Variants in PDE4D observed in about 807,000 individuals in gnomAD.
PDE4D encodes phosphodiesterase 4D.
A neutral mutation model predicts 87.4 loss-of-function variants in PDE4D; 24 were observed. The observed-to-expected ratio is 0.27, with a 90% CI of 0.20 to 0.39. PDE4D has a LOEUF of 0.39. Among genes scored for constraint, PDE4D ranks in the 10% least tolerant of loss-of-function variants. The pLI is 1.00. For synonymous variants in PDE4D, 384 were observed against 383.2 expected (o/e 1.00, Z -0.02); for missense variants, 714 against 1,041.0 (o/e 0.69, Z 4.32).
rs1230362453 is a variant in PDE4D at position 59,655,096 on chromosome 5, T to C, written c.455+238072A>G. On this transcript the variant is annotated intron_variant, in intron 1 of 14. Transcript: ENST00000340635. The stretch of plus-strand genomic sequence containing the variant: ...GATCATATAACTCTGTGTTTAACAA[T>C]TTGAGGAACTACAATATTCTATGTT... 2.0e-5 allele frequency among the ~76,000 whole-genome samples: 3 copies of C among 152,148 alleles called. No homozygotes were observed. In the East Asian group the frequency reaches 5.8e-4, roughly 29 times the overall value.
At chr5:59,818,146 G>T (rs1769212824) in intron 1 of PDE4D, among the ~76,000 whole-genome samples, 1 of 152,202 alleles carries the variant, frequency 6.6e-6, no homozygotes, top group Non-Finnish European at 1.5e-5. Context: ...TTTGTCCTTA[G>T]AAGCAAATGG....
intron 6 of PDE4D, among the ~76,000 whole-genome samples, chr5:59,001,325 C>T (rs1006208744): frequency 6.6e-6 from 1 of 152,160 alleles, no homozygotes; most frequent in African/African-American, 2.4e-5. Context: ...CTGCAGTCTT[C>T]CTGACATTTA....
chr5:59,819,396 A>G (rs1769376517), intron 1 of PDE4D, among the ~76,000 whole-genome samples: 1 of 152,204 alleles, frequency 6.6e-6, no homozygotes, highest in Non-Finnish European at 1.5e-5. Context: ...TACTTTCCAT[A>G]GACTTTCACT....
intron 5 of PDE4D, among the ~76,000 whole-genome samples, chr5:59,141,785 A>G (rs1777932712): frequency 6.6e-6 from 1 of 152,214 alleles, no homozygotes; most frequent in Non-Finnish European, 1.5e-5. Flanking sequence ...CCCGTAACCC[A>G]TTCATCTTGG....
At chr5:59,466,633 A>G (rs1010617836) in intron 1 of PDE4D, among the ~76,000 whole-genome samples, 1 of 152,204 alleles carries the variant, frequency 6.6e-6, no homozygotes, top group Non-Finnish European at 1.5e-5. Context: ...TTGGAAAAAG[A>G]GGCTCTCATT....
intron 3 of PDE4D, among the ~76,000 whole-genome samples, chr5:59,968,998 C>T (rs1037771956): frequency 1.5e-5 from 2 of 134,118 alleles, no homozygotes; most frequent in African/African-American, 2.7e-5. Flanking sequence ...GGCACCCCCC[C>T]CCCGAAAAAA....
At chr5:59,711,823 G>A (rs192787341) in intron 1 of PDE4D, among the ~76,000 whole-genome samples, 1 of 152,142 alleles carries the variant, frequency 6.6e-6, no homozygotes, top group Non-Finnish European at 1.5e-5. Flanking sequence ...GCTTATAAAG[G>A]TTATATAATG....
chr5:60,438,425 T>C (rs1383297172), intron 1 of PDE4D, among the ~76,000 whole-genome samples: 3 of 152,126 alleles, frequency 2.0e-5, no homozygotes, highest in Non-Finnish European at 4.4e-5. Context: ...TATTTTTAGC[T>C]AATTTATTTT....
chr5:59,612,874 G>A (rs964479987), intron 1 of PDE4D, among the ~76,000 whole-genome samples: 1 of 152,162 alleles, frequency 6.6e-6, no homozygotes, highest in Non-Finnish European at 1.5e-5. Context: ...GGAGACCAGA[G>A]TGACTGGACC....
intron 1 of PDE4D, among the ~76,000 whole-genome samples, chr5:59,419,294 C>T (rs1214432893): frequency 6.6e-6 from 1 of 152,032 alleles, no homozygotes; most frequent in Non-Finnish European, 1.5e-5. Flanking sequence ...CTGAGCAGTT[C>T]GACTTTGATT....
At chr5:59,952,829 A>G (rs1252488926) in intron 3 of PDE4D, among the ~76,000 whole-genome samples, 1 of 152,214 alleles carries the variant, frequency 6.6e-6, no homozygotes, top group Non-Finnish European at 1.5e-5. Context: ...AACTTTTCAG[A>G]TGATTTCAGC....
intron 5 of PDE4D, among the ~76,000 whole-genome samples, chr5:59,070,095 C>T (rs1319513177): frequency 2.0e-5 from 3 of 152,120 alleles, no homozygotes; most frequent in African/African-American, 7.2e-5. Context: ...ACAGCAATTT[C>T]TACTTTTAGA....
rs545250646 is a variant in PDE4D at position 60,388,459 on chromosome 5, T to C, written c.-90+99483A>G. ...TTGTTACACAGGTATACATGTGCCA[T>C]GGTGGTTTGCTGCACCTATTGACCC... On this transcript the variant is annotated intron_variant, in intron 1 of 16. Coordinates refer to the PDE4D transcript ENST00000502484. Among the ~76,000 whole-genome samples, 592 of 152,156 alleles carry C rather than the reference T, an allele frequency of 3.9e-3. 4 individuals carry two copies. The highest frequency in any genetic ancestry group is 0.013 in the African/African-American group (554 of 41,506).
intron 1 of PDE4D, among the ~76,000 whole-genome samples, chr5:60,233,576 A>G (rs1746069246): frequency 6.6e-6 from 1 of 151,458 alleles, no homozygotes; most frequent in African/African-American, 2.4e-5. Flanking sequence ...TTTTTTTTAC[A>G]AAGGGAAATT....
At chr5:59,212,125 G>A (rs1303352361) in intron 2 of PDE4D, among the ~76,000 whole-genome samples, 1 of 152,026 alleles carries the variant, frequency 6.6e-6, no homozygotes, top group East Asian at 1.9e-4. Context: ...AAGCGCAGTT[G>A]AATTATACAC....
intron 1 of PDE4D, among the ~76,000 whole-genome samples, chr5:59,582,966 C>T (rs1824442757): frequency 6.6e-6 from 1 of 152,162 alleles, no homozygotes; most frequent in South Asian, 2.1e-4. Flanking sequence ...GAGGGGCCCT[C>T]CATGGCAGCA....
chr5:59,689,916 A>G (rs1750612046), intron 1 of PDE4D, among the ~76,000 whole-genome samples: 2 of 152,182 alleles, frequency 1.3e-5, no homozygotes, highest in Admixed American at 6.5e-5. Context: ...AAGCATTCCT[A>G]TACACCAATA....
At chr5:59,770,453 T>A (rs1169609689) in intron 1 of PDE4D, among the ~76,000 whole-genome samples, 2 of 152,120 alleles carry the variant, frequency 1.3e-5, no homozygotes, top group Non-Finnish European at 2.9e-5. Flanking sequence ...GAGAAAACTC[T>A]GGGTAAAGTT....
chr5:58,992,641 C>A (rs972034162), intron 7 of PDE4D, among the ~76,000 whole-genome samples: 2 of 152,062 alleles, frequency 1.3e-5, no homozygotes, highest in African/African-American at 2.4e-5. Context: ...TAAGTGAATA[C>A]GTACATAAGC....
Sources: gnomAD v4.1 joint callset for allele counts (sites outside exome capture counted in the v4.1 genomes callset) on GRCh38, gnomAD v4.1.1 for gene constraint, MANE v1.5 for transcripts, NCBI Gene and HGNC (gene_info 2026-07-23, HGNC 2026-07-21) for gene names.